RCAN2: variants seen among roughly 807,000 people sequenced by gnomAD.
RCAN2 encodes regulator of calcineurin 2.
A neutral mutation model predicts 23.6 loss-of-function variants in RCAN2; 9 were observed. The ratio of observed to expected loss-of-function variants is 0.38; its 90% confidence interval spans 0.23 to 0.67. The LOEUF is 0.67. Ranked by LOEUF, RCAN2 falls within the 30% of genes least tolerant of loss-of-function variation. RCAN2 has a pLI of 0.51. For synonymous variants in RCAN2, 109 were observed against 115.7 expected (o/e 0.94, Z 0.37); for missense variants, 273 against 302.3 (o/e 0.90, Z 0.72).
chr6:46,473,443 A>AT (rs201971641), intron 1 of RCAN2, among the ~76,000 whole-genome samples: 2,977 of 151,344 alleles, frequency 0.02, 46 homozygotes, highest in Middle Eastern at 0.041. Flanking sequence ...TGTCTGTGCT[A>AT]TTTTTTTTTG....
Position 46,398,408 on chromosome 6 carries a change from A to T in RCAN2, c.225+58344T>A, listed in dbSNP as rs1293402504. On this transcript the variant is annotated intron_variant, in intron 2 of 4. Transcript: ENST00000371374. Reference sequence around the variant, plus strand: ...GTGAGCCCGTGGAGGTCCAAAGATAATTTCTTAGTGGCCAATTATTATTAT... The same window carrying T: ...GTGAGCCCGTGGAGGTCCAAAGATATTTTCTTAGTGGCCAATTATTATTAT... Among the ~76,000 whole-genome samples the T allele has an allele frequency of 3.3e-5, 5 of 152,096 alleles. 1 individual carries two copies. The highest frequency in any genetic ancestry group is 6.3e-3 in the Middle Eastern group (2 of 316).
chr6:46,292,770 C>T (rs796718975), intron 2 of RCAN2, among the ~76,000 whole-genome samples: 4 of 151,964 alleles, frequency 2.6e-5, no homozygotes, highest in Non-Finnish European at 4.4e-5. Flanking sequence ...ATGTGCAGAA[C>T]GTGCAGGTTT....
chr6:46,391,481 C>G (rs950685232), intron 2 of RCAN2, among the ~76,000 whole-genome samples: 2 of 152,118 alleles, frequency 1.3e-5, no homozygotes, highest in African/African-American at 4.8e-5. Flanking sequence ...GGAAGCTGCA[C>G]ATAGATAGGG....
At chr6:46,470,556 C>T (rs561646325) in intron 1 of RCAN2, among the ~76,000 whole-genome samples, 12 of 152,312 alleles carry the variant, frequency 7.9e-5, no homozygotes, top group Non-Finnish European at 1.3e-4. Flanking sequence ...ATAGCTCTAC[C>T]TTTCAGATGT....
intron 2 of RCAN2, among the ~76,000 whole-genome samples, chr6:46,399,420 CCT>C (rs374409309): frequency 3.3e-5 from 5 of 150,628 alleles, no homozygotes; most frequent in African/African-American, 1.2e-4. Context: ...TGCAATTCCC[CCT>C]GTTACAACCC....
chr6:46,284,594 T>G (rs1170106823), intron 2 of RCAN2, among the ~76,000 whole-genome samples: 1 of 152,188 alleles, frequency 6.6e-6, no homozygotes, highest in Non-Finnish European at 1.5e-5. Context: ...AACTGACATT[T>G]GCATCATGAC....
At chr6:46,387,132 C>G (rs1765778784) in intron 2 of RCAN2, among the ~76,000 whole-genome samples, 1 of 152,044 alleles carries the variant, frequency 6.6e-6, no homozygotes, top group African/African-American at 2.4e-5. Context: ...AATGTTAGAC[C>G]TAAAACCATA....
chr6:46,337,268 G>A (rs1403549344), intron 2 of RCAN2, among the ~76,000 whole-genome samples: 1 of 152,172 alleles, frequency 6.6e-6, no homozygotes, highest in Non-Finnish European at 1.5e-5. Flanking sequence ...GAATATTATT[G>A]CAGTACTGTT....
At chr6:46,386,236 C>T (rs915975366) in intron 2 of RCAN2, among the ~76,000 whole-genome samples, 12 of 152,048 alleles carry the variant, frequency 7.9e-5, no homozygotes, top group East Asian at 5.8e-4. Flanking sequence ...TCTCAAAAGA[C>T]GACAGTTATG....
At chr6:46,301,206 T>C (rs963871550) in intron 2 of RCAN2, among the ~76,000 whole-genome samples, 2 of 152,020 alleles carry the variant, frequency 1.3e-5, no homozygotes, top group Admixed American at 6.6e-5. Flanking sequence ...AGATGAAACA[T>C]ACCCTACTAA....
chr6:46,356,368 G>T (rs907337936), intron 2 of RCAN2, among the ~76,000 whole-genome samples: 4 of 152,150 alleles, frequency 2.6e-5, no homozygotes, highest in Admixed American at 1.3e-4. Flanking sequence ...CAAGCCCAGT[G>T]AAAACTTAGA....
chr6:46,269,403 G>T (rs1326800271), intron 2 of RCAN2, among the ~76,000 whole-genome samples: 1 of 152,144 alleles, frequency 6.6e-6, no homozygotes, highest in Non-Finnish European at 1.5e-5. Context: ...CTGTGTTCTT[G>T]TGTTACAGCT....
intron 2 of RCAN2, among the ~76,000 whole-genome samples, chr6:46,294,445 A>G (rs1762656543): frequency 6.6e-6 from 1 of 152,294 alleles, no homozygotes; most frequent in Middle Eastern, 3.4e-3. Flanking sequence ...ATTTAACCAA[A>G]TAATTTCATT....
At chr6:46,444,495 C>A (rs1200685347) in intron 2 of RCAN2, among the ~76,000 whole-genome samples, 1 of 152,154 alleles carries the variant, frequency 6.6e-6, no homozygotes, top group South Asian at 2.1e-4. Flanking sequence ...TGCTGGTACC[C>A]ATGGACTCAG....
intron 2 of RCAN2, among the ~76,000 whole-genome samples, chr6:46,385,274 G>A (rs1261164313): frequency 6.6e-6 from 1 of 152,196 alleles, no homozygotes; most frequent in African/African-American, 2.4e-5. Flanking sequence ...TAGCCAAACA[G>A]AGAATTAGCA....
intron 2 of RCAN2, among the ~76,000 whole-genome samples, chr6:46,450,930 C>A (rs540421759): frequency 6.6e-6 from 1 of 151,670 alleles, no homozygotes; most frequent in Non-Finnish European, 1.5e-5. Flanking sequence ...ATTCTCCCCA[C>A]GAAAAAGTAA....
chr6:46,265,993 A>T (rs1264408330), intron 2 of RCAN2, among the ~76,000 whole-genome samples: 1 of 152,226 alleles, frequency 6.6e-6, no homozygotes, highest in Non-Finnish European at 1.5e-5. Flanking sequence ...AGTGCTTTAC[A>T]TCCTTATAGT....
At chr6:46,352,093 T>C (rs1582132986) in intron 2 of RCAN2, among the ~76,000 whole-genome samples, 1 of 152,258 alleles carries the variant, frequency 6.6e-6, no homozygotes, top group Non-Finnish European at 1.5e-5. Context: ...AGAGTATACA[T>C]TAAGGTATTC....
intron 2 of RCAN2, among the ~76,000 whole-genome samples, chr6:46,282,099 T>C (rs753107834): frequency 2.6e-5 from 4 of 152,222 alleles, no homozygotes; most frequent in Non-Finnish European, 5.9e-5. Flanking sequence ...AATGTTTTAA[T>C]TGCATAGAAG....
Sources: gnomAD v4.1 joint callset for allele counts (sites outside exome capture counted in the v4.1 genomes callset) on GRCh38, gnomAD v4.1.1 for gene constraint, MANE v1.5 for transcripts, NCBI Gene and HGNC (gene_info 2026-07-23, HGNC 2026-07-21) for gene names.